The following HEATR5A variants were observed in gnomAD, a reference collection of about 807,000 sequenced individuals.
HEATR5A encodes HEAT repeat-containing protein 5A.
Under a neutral mutation model 218.8 loss-of-function variants are expected in HEATR5A, and 178 were observed. The ratio of observed to expected loss-of-function variants is 0.81; its 90% CI spans 0.72 to 0.92. The LOEUF is 0.92. HEATR5A is among the 40% of genes least tolerant of loss of function. The pLI, the probability that HEATR5A is intolerant of heterozygous loss-of-function variation, is 0.00. For missense variants in HEATR5A, 2,420 were observed against 2,418.9 expected (o/e 1.00, Z -0.01); for synonymous variants, 864 against 871.6 (o/e 0.99, Z 0.15).
intron 33 of HEATR5A, among the ~76,000 whole-genome samples, chr14:31,299,614 T>A (rs1899300521): frequency 6.6e-6 from 1 of 151,302 alleles, no homozygotes; most frequent in Non-Finnish European, 1.5e-5. Flanking sequence ...TCCCAGCTAC[T>A]TGGGAGGCTG....
chr14:31,386,270 TC>T (rs200899052), intron 9 of HEATR5A, 149 bp downstream of exon 9: 6,708 of 621,026 alleles, frequency 0.011, 55 homozygotes, highest in Non-Finnish European at 0.012. Context: ...ACAATATACA[TC>T]TTTTTAATAA....
intron 27 of HEATR5A, among the ~76,000 whole-genome samples, chr14:31,314,425 T>C (rs1428381607): frequency 6.6e-6 from 1 of 151,914 alleles, no homozygotes; most frequent in East Asian, 1.9e-4. Flanking sequence ...GGCTAATTTT[T>C]TTTTTATTTT....
chr14:31,411,514 T>G (rs1373014614), intron 1 of HEATR5A, among the ~76,000 whole-genome samples: 1 of 152,196 alleles, frequency 6.6e-6, no homozygotes, highest in Non-Finnish European at 1.5e-5. Context: ...CTTTGTGGAA[T>G]GCTGCCAGAA....
At chr14:31,361,616 G>C (rs1412645201) in intron 14 of HEATR5A, among the ~76,000 whole-genome samples, 2 of 152,124 alleles carry the variant, frequency 1.3e-5, no homozygotes, top group Non-Finnish European at 2.9e-5. Flanking sequence ...AAATAATTAA[G>C]ATAATTTTGA....
At chr14:31,352,639 G>A (rs989217914) in intron 16 of HEATR5A, among the ~76,000 whole-genome samples, 1 of 152,130 alleles carries the variant, frequency 6.6e-6, no homozygotes, top group African/African-American at 2.4e-5. Context: ...GTTGGGGAAA[G>A]CAGTATGTAT....
At chr14:31,344,168 T>C (rs755495936) in intron 20 of HEATR5A, 103 bp from the exon 21 acceptor site, 71 of 589,086 alleles carry the variant, frequency 1.2e-4, no homozygotes, top group Non-Finnish European at 1.7e-4. Flanking sequence ...TAAACATATA[T>C]TACAGGTTTT....
chr14:31,361,946 ATT>A (rs1566768229), intron 14 of HEATR5A, among the ~76,000 whole-genome samples: 3 of 130,398 alleles, frequency 2.3e-5, no homozygotes, highest in South Asian at 2.3e-4. Context: ...TCAGAAATTT[ATT>A]TATTTATTTA....
At chr14:31,380,708 C>T (rs559829797) in intron 10 of HEATR5A, 130 bp from the exon 11 acceptor site, 22 of 645,906 alleles carry the variant, frequency 3.4e-5, no homozygotes, top group Middle Eastern at 3.7e-4. Flanking sequence ...AACTGTCATT[C>T]GTGTAGACTA....
chr14:31,394,149 C>T lies in HEATR5A; in HGVS notation c.675G>A (p.Lys225=), dbSNP rs932441253. The change falls in exon 6 of 36, where the codon AAG becomes AAA. Residue 225 remains lysine, a synonymous_variant. Coordinates refer to ENST00000543095, the MANE Select transcript of HEATR5A (RefSeq NM_015473.4). The part of the protein sequence containing the change: ...DLDSVATLCF[K]SFEGSNYDVR... ...CATCATAATTGGAACCTTCAAAGGA[C>T]TTAAAACACAGTGTGGCCACACTGT... 2.6e-6 allele frequency: 4 copies of T among 1,534,848 alleles called. No homozygotes were observed. The highest frequency in any genetic ancestry group is 2.6e-6 in the Non-Finnish European group (3 of 1,145,966).
rs575782444 is a variant in HEATR5A at position 31,296,898 on chromosome 14, C to T, written c.5465-835G>A. On this transcript the variant is annotated intron_variant, in intron 33 of 35. Coordinates refer to ENST00000543095, the MANE Select transcript of HEATR5A (RefSeq NM_015473.4). ...GACTTAAGAAACACTGTGTGCCAGCCCTCTTTTAGGCACAGAGAATACATC... is the reference window on the plus strand; with the variant it reads ...GACTTAAGAAACACTGTGTGCCAGCTCTCTTTTAGGCACAGAGAATACATC... 9 of 152,256 alleles carry T rather than the reference C, an allele frequency of 5.9e-5. No homozygotes were observed. In the East Asian group the frequency reaches 1.7e-3, roughly 29 times the overall value. The allele number at this position is 152,256 out of a possible 1,614,324, so 9.4% of individuals were successfully genotyped here.
intron 22 of HEATR5A, among the ~76,000 whole-genome samples, chr14:31,330,321 A>G (rs1900420196): frequency 6.6e-6 from 1 of 152,132 alleles, no homozygotes; most frequent in African/African-American, 2.4e-5. Context: ...GGTCCCTTTT[A>G]GCCATGGCTG....
In HEATR5A at chr14:31,307,877, A is replaced by C. The variant is rs1168668563; in HGVS notation, c.4818+16T>G. The C allele has an allele frequency of 3.7e-6, 6 of 1,604,238 alleles. No individual in the cohort carries two copies. Among genetic ancestry groups the C allele is most frequent in the African/African-American group, 1.3e-5 (1 of 74,236 alleles). ...AGACTACAGAAGCCTTACAAAAAAA[A>C]CCCCAGATAAATCACCTGATCACTG... On this transcript the variant is annotated intron_variant, in intron 30 of 35. Transcript: ENST00000543095.
intron 22 of HEATR5A, among the ~76,000 whole-genome samples, chr14:31,330,940 CTTTTT>C (rs764303670): frequency 2.6e-5 from 2 of 75,956 alleles, no homozygotes; most frequent in East Asian, 7.2e-4. Context: ...CTTCCCTCAC[CTTTTT>C]TTTTTTTTTT....
intron 10 of HEATR5A, 109 bp downstream of exon 10, chr14:31,383,412 G>T: frequency 9.8e-7 from 1 of 1,023,558 alleles, no homozygotes; most frequent in Admixed American, 2.4e-5. Context: ...TATATGGCAG[G>T]GCTAGATGTA....
intron 22 of HEATR5A, among the ~76,000 whole-genome samples, chr14:31,328,797 T>C (rs1900360450): frequency 6.6e-6 from 1 of 151,732 alleles, no homozygotes; most frequent in Non-Finnish European, 1.5e-5. Flanking sequence ...GGAGAATCGC[T>C]TGAACCCAGG....
rs1289015898 is a variant in HEATR5A, at chr14:31,398,717, T to C, written c.403A>G (p.Thr135Ala). Residue 135 changes from threonine to alanine, a missense_variant, in exon 4 of 36, where the codon ACT becomes GCT. Transcript: ENST00000543095. ...KLGRILGNTF[T>A]DTVGNILKAM... ...TTAAGAATATTCCCCACTGTATCAG[T>C]AAAGGTGTTACCCAGTATTCTACCC... is the stretch of plus-strand genomic sequence containing the variant. The C allele has an allele frequency of 2.0e-6, 3 of 1,532,708 alleles. No homozygotes were observed. Among genetic ancestry groups the C allele is most frequent in the East Asian group, 2.4e-5 (1 of 40,872 alleles). The allele number at this position is 1,532,708 out of a possible 1,614,324, so 94.9% of individuals were successfully genotyped here.
intron 1 of HEATR5A, among the ~76,000 whole-genome samples, chr14:31,419,664 A>T (rs1397061967): frequency 6.6e-6 from 1 of 152,264 alleles, no homozygotes; most frequent in Non-Finnish European, 1.5e-5. Context: ...AGCTCAAGCC[A>T]TTTTATTATT....
At chr14:31,319,206 G>A (rs1566752328) in intron 25 of HEATR5A, among the ~76,000 whole-genome samples, 1 of 152,008 alleles carries the variant, frequency 6.6e-6, no homozygotes, top group Non-Finnish European at 1.5e-5. Flanking sequence ...AGGCTGGAGT[G>A]CAATGGCATG....
intron 6 of HEATR5A, 101 bp from the exon 7 acceptor site, chr14:31,389,106 A>C (rs945950389): frequency 9.8e-5 from 111 of 1,128,268 alleles, no homozygotes; most frequent in Middle Eastern, 2.0e-4. Context: ...AAAATAAACT[A>C]AAAATTCAAA....
Sources: allele counts gnomAD v4.1 joint callset (sites outside exome capture counted in the v4.1 genomes callset), GRCh38; gene constraint gnomAD v4.1.1; transcripts MANE v1.5; gene names NCBI Gene and HGNC (gene_info 2026-07-23, HGNC 2026-07-21).